Variants in LINGO2 observed in about 807,000 individuals in gnomAD.
LINGO2 encodes the protein leucine-rich repeat and immunoglobulin-like domain-containing nogo receptor-interacting protein 2.
A neutral mutation model predicts 30.6 loss-of-function variants in LINGO2; 14 were observed. The observed-to-expected ratio is 0.46, with a 90% confidence interval of 0.30 to 0.72. LINGO2 has a LOEUF of 0.72. Among genes scored for constraint, LINGO2 ranks in the 30% least tolerant of loss-of-function variants. LINGO2 has a pLI of 0.07. For missense variants in LINGO2, 729 were observed against 751.7 expected (o/e 0.97, Z 0.35); for synonymous variants, 317 against 288.5 (o/e 1.10, Z -1.00).
At chr9:28,327,134 G>A (rs1337061432) in intron 3 of LINGO2, among the ~76,000 whole-genome samples, 1 of 152,174 alleles carries the variant, frequency 6.6e-6, no homozygotes, top group Non-Finnish European at 1.5e-5. Flanking sequence ...GATGCAGTAA[G>A]AAGGTGCCAT....
chr9:28,910,085 TA>T, the LINGO2 span, among the ~76,000 whole-genome samples: 3 of 152,060 alleles, frequency 2.0e-5, no homozygotes, highest in Non-Finnish European at 2.9e-5. Flanking sequence ...AATTAAATTT[TA>T]AAAAATAATA....
At chr9:28,967,195 C>T in the LINGO2 span, among the ~76,000 whole-genome samples, 1 of 152,102 alleles carries the variant, frequency 6.6e-6, no homozygotes, top group Non-Finnish European at 1.5e-5. Context: ...CCTTGAGGCC[C>T]AAGGCAGTGC....
chr9:28,328,817 A>G (rs1825320075), intron 3 of LINGO2, among the ~76,000 whole-genome samples: 1 of 152,182 alleles, frequency 6.6e-6, no homozygotes, highest in Non-Finnish European at 1.5e-5. Flanking sequence ...ATATCATCTC[A>G]ATATCATACA....
the LINGO2 span, among the ~76,000 whole-genome samples, chr9:28,887,877 C>T: frequency 2.2e-3 from 342 of 152,094 alleles, 3 homozygotes; most frequent in African/African-American, 7.8e-3. Context: ...GAAATAAGCT[C>T]CAACTGGATT....
rs546976872 is a variant in LINGO2 at position 28,130,036 on chromosome 9, G to A, written c.-86-117631C>T. 2.3e-4 allele frequency among the ~76,000 whole-genome samples: 35 copies of A among 152,282 alleles called. No individual in the cohort carries two copies. The South Asian group carries it at 6.8e-3, about 30-fold the overall frequency. On this transcript the variant is annotated intron_variant, in intron 4 of 5. Transcript: ENST00000379992. This position sits in a 1 kb window ranked among gnomAD's most constrained non-coding sequence, Gnocchi z 5.2. ...AAGAAGCCACAGAGTAACCTCTTCA[G>A]ACTACTTCATATGTTTCAGCGTCTC...
At chr9:28,444,018 C>T (rs1587683908) in intron 2 of LINGO2, among the ~76,000 whole-genome samples, 1 of 152,080 alleles carries the variant, frequency 6.6e-6, no homozygotes, top group Non-Finnish European at 1.5e-5. Flanking sequence ...CCATAAAAAC[C>T]CCAGACTCAG....
chr9:28,083,328 A>C (rs1027180282), intron 4 of LINGO2, among the ~76,000 whole-genome samples: 6 of 152,150 alleles, frequency 3.9e-5, no homozygotes, highest in Admixed American at 1.3e-4. Flanking sequence ...AGGAGTGATC[A>C]GTCTTCTCAC....
At chr9:28,053,969 T>C (rs1429008566) in intron 4 of LINGO2, among the ~76,000 whole-genome samples, 4 of 152,010 alleles carry the variant, frequency 2.6e-5, no homozygotes, top group African/African-American at 7.2e-5. Flanking sequence ...AAGTATTATA[T>C]AGTCTGTGGT....
At chr9:28,106,301 C>A (rs1826591049) in intron 4 of LINGO2, among the ~76,000 whole-genome samples, 1 of 152,030 alleles carries the variant, frequency 6.6e-6, no homozygotes, top group Non-Finnish European at 1.5e-5. Context: ...AAAGGAAGAC[C>A]CACACAATTT....
the LINGO2 span, among the ~76,000 whole-genome samples, chr9:28,675,928 TAC>T: frequency 0.049 from 6,600 of 135,456 alleles, 265 homozygotes; most frequent in East Asian, 0.19. Flanking sequence ...TATATATACA[TAC>T]ACACACACAC....
chr9:28,685,168 T>C, the LINGO2 span, among the ~76,000 whole-genome samples: 2 of 152,222 alleles, frequency 1.3e-5, no homozygotes, highest in African/African-American at 4.8e-5. Context: ...CTCATTCTTT[T>C]TTATGATTGC....
chr9:28,103,192 A>G (rs1826468592), intron 4 of LINGO2, among the ~76,000 whole-genome samples: 1 of 152,178 alleles, frequency 6.6e-6, no homozygotes, highest in Non-Finnish European at 1.5e-5. Context: ...GTAGCTTGAG[A>G]TTCTTTGAAT....
At chr9:27,965,366 A>G (rs891393576) in intron 5 of LINGO2, among the ~76,000 whole-genome samples, 1 of 151,298 alleles carries the variant, frequency 6.6e-6, no homozygotes, top group Non-Finnish European at 1.5e-5. Flanking sequence ...TTGCAAATAG[A>G]TAGCAACTCT....
chr9:28,139,421 C>G (rs961116839), intron 4 of LINGO2, among the ~76,000 whole-genome samples: 1 of 152,066 alleles, frequency 6.6e-6, no homozygotes, highest in African/African-American at 2.4e-5. Context: ...TAATTTATTC[C>G]TTTTTCTATT....
At chr9:28,827,971 A>G in the LINGO2 span, among the ~76,000 whole-genome samples, 2 of 152,078 alleles carry the variant, frequency 1.3e-5, no homozygotes, top group African/African-American at 4.8e-5. Context: ...CTATATTGGT[A>G]TATATGTTAT....
intron 2 of LINGO2, among the ~76,000 whole-genome samples, chr9:28,424,242 C>T (rs1419470284): frequency 6.6e-6 from 1 of 152,242 alleles, no homozygotes; most frequent in African/African-American, 2.4e-5. Flanking sequence ...TTTCAGCTCA[C>T]TTTGTGTAGA....
chr9:28,413,916 G>A (rs1822871029), intron 2 of LINGO2, among the ~76,000 whole-genome samples: 1 of 151,832 alleles, frequency 6.6e-6, no homozygotes, highest in South Asian at 2.1e-4. Flanking sequence ...AATATAAGCA[G>A]TATTAATATT....
chr9:28,192,568 C>T (rs979230016), intron 4 of LINGO2, among the ~76,000 whole-genome samples: 8 of 152,062 alleles, frequency 5.3e-5, no homozygotes, highest in East Asian at 1.9e-4. Flanking sequence ...CCACACATAA[C>T]CCACTGGCCT....
chr9:28,876,738 T>G, the LINGO2 span, among the ~76,000 whole-genome samples: 62 of 152,272 alleles, frequency 4.1e-4, no homozygotes, highest in African/African-American at 1.5e-3. Context: ...TATAGCAGCA[T>G]GATTTATAGT....
Sources: gnomAD v4.1 joint callset for allele counts (sites outside exome capture counted in the v4.1 genomes callset) on GRCh38, gnomAD v4.1.1 for gene constraint, Gnocchi (gnomAD v3.1) non-coding constraint, MANE v1.5 for transcripts, NCBI Gene and HGNC (gene_info 2026-07-23, HGNC 2026-07-21) for gene names.